The following ELMO3 variants were observed in gnomAD, a reference collection of about 807,000 sequenced individuals.
The protein encoded by ELMO3 is engulfment and cell motility protein 3.
In ELMO3, 81 loss-of-function variants were observed where a neutral mutation model predicts 89.0. The ratio of observed to expected loss-of-function variants is 0.91; its 90% CI spans 0.76 to 1.09. The LOEUF is 1.09. ELMO3 is among the 50% of genes least tolerant of loss of function. The pLI, the probability that ELMO3 is intolerant of heterozygous loss-of-function variation, is 0.00. For synonymous variants in ELMO3, 406 were observed against 400.6 expected (o/e 1.01, Z -0.16); for missense variants, 959 against 972.8 (o/e 0.99, Z 0.19).
In ELMO3 at chr16:67,200,272, TC is replaced by T; in HGVS notation, c.326del (p.Pro109ArgfsTer6). 1 of 1,613,810 alleles carries T rather than the reference TC, an allele frequency of 6.2e-7. No homozygotes were observed. Among genetic ancestry groups the T allele is most frequent in the South Asian group, 1.1e-5 (1 of 91,092 alleles). On this transcript the variant is annotated frameshift_variant, in exon 5 of 20. Coordinates refer to ENST00000393997, the MANE Select transcript of ELMO3 (RefSeq NM_024712.5). LOFTEE classifies it high-confidence loss of function. ...GCCGGGAAGCCCTGAGGCGCCTTGTTCCGCTGGCCTCGGACATGATCTTTGC... is the reference window on the plus strand; with the variant it reads ...GCCGGGAAGCCCTGAGGCGCCTTGTTCGCTGGCCTCGGACATGATCTTTGC... The part of the protein sequence containing the change: ...GRREALRRLV[P>X]LASDMIFARE...
Position 67,200,782 on chromosome 16 carries a change from G to C in ELMO3, c.639G>C (p.Leu213=), listed in dbSNP as rs371659730. Residue 213 remains leucine, a synonymous_variant, in exon 7 of 20, where the codon CTG becomes CTC. Coordinates refer to ENST00000393997, the MANE Select transcript of ELMO3 (RefSeq NM_024712.5). The stretch of plus-strand genomic sequence containing the variant: ...AGCTGGTCAAGAGCGAGGTGCCCCT[G>C]GATAGGCTGCTGGTGCACCTACAGG... ...LGQLVKSEVP[L]DRLLVHLQVM... 28 of 1,613,250 alleles carry C rather than the reference G, an allele frequency of 1.7e-5. No individual in the cohort carries two copies. Among genetic ancestry groups the C allele is most frequent in the Non-Finnish European group, 2.2e-5 (26 of 1,179,834 alleles).
In ELMO3 at chr16:67,201,997, C is replaced by A; in HGVS notation, c.1071C>A (p.Asp357Glu). 1 of 1,613,348 alleles carries A rather than the reference C, an allele frequency of 6.2e-7. No individual in the cohort carries two copies. The highest frequency in any genetic ancestry group is 8.5e-7 in the Non-Finnish European group (1 of 1,180,018). ...CCCAGAACAGCAACCCAGCACAGGACCTGGAGCGCGTGCCCCCCGGTCTGC... is the reference window on the plus strand; with the variant it reads ...CCCAGAACAGCAACCCAGCACAGGAACTGGAGCGCGTGCCCCCCGGTCTGC... ...LGFSNSNPAQDLERVPPGLLA... is the reference protein window; with the variant it reads ...LGFSNSNPAQELERVPPGLLA... The change falls in exon 12 of 20, where the codon GAC becomes GAA. Residue 357 changes from aspartate (D) to glutamate (E), a missense_variant. Coordinates refer to ENST00000393997, the MANE Select transcript of ELMO3 (RefSeq NM_024712.5).
At chr16:67,200,028 C>A (rs755817016) in intron 4 of ELMO3, 27 bp downstream of exon 4, 2 of 1,612,120 alleles carry the variant, frequency 1.2e-6, no homozygotes, top group South Asian at 2.2e-5. Context: ...CCCGCCTTCC[C>A]CATCCCTGCC....
Position 67,199,172 on chromosome 16 carries a change from C to T in ELMO3, c.-155C>T. Reference sequence around the variant, plus strand: ...CCCTTGGGAAGGCCGCGTTGCATGGCCAGGAGCAGCAGTCTGGGCCGCGAG... The same window carrying T: ...CCCTTGGGAAGGCCGCGTTGCATGGTCAGGAGCAGCAGTCTGGGCCGCGAG... On this transcript the variant is annotated 5_prime_UTR_variant, in exon 1 of 20. Coordinates refer to ENST00000393997, the MANE Select transcript of ELMO3 (RefSeq NM_024712.5). 1 of 1,609,638 alleles carries T rather than the reference C, an allele frequency of 6.2e-7. No homozygotes were observed. The highest frequency in any genetic ancestry group is 8.5e-7 in the Non-Finnish European group (1 of 1,179,498).
At chr16:67,200,412 TG>T in intron 5 of ELMO3, 38 bp from the exon 6 acceptor site, 1 of 1,608,210 alleles carries the variant, frequency 6.2e-7, no homozygotes, top group Non-Finnish European at 8.5e-7. Flanking sequence ...TTTCTGGTCC[TG>T]GGGTGGTCCT....
Position 67,201,733 on chromosome 16 carries a change from T to C in ELMO3, c.919-9T>C. ...GATCCCCTCCCCCGCCACCCAACACTGACCCCAGGAGCAGCGGGAGCAGCT... is the reference window on the plus strand; with the variant it reads ...GATCCCCTCCCCCGCCACCCAACACCGACCCCAGGAGCAGCGGGAGCAGCT... On this transcript the variant is annotated splice_polypyrimidine_tract_variant and intron_variant, in intron 10 of 19. Coordinates refer to ENST00000393997, the MANE Select transcript of ELMO3 (RefSeq NM_024712.5). The C allele has an allele frequency of 6.2e-7, 1 of 1,609,306 alleles. No individual in the cohort carries two copies. The highest frequency in any genetic ancestry group is 8.5e-7 in the Non-Finnish European group (1 of 1,179,990).
rs200498195 is a variant in ELMO3 at position 67,199,436 on chromosome 16, C to G, written c.78+32C>G. On this transcript the variant is annotated intron_variant, in intron 1 of 19. Coordinates refer to ENST00000393997, the MANE Select transcript of ELMO3 (RefSeq NM_024712.5). ...CGGCTGGTCCCGCCTCCATCTGCCCCACTGCCCCACCTCCCGGTAGCCCCC... is the reference window on the plus strand; with the variant it reads ...CGGCTGGTCCCGCCTCCATCTGCCCGACTGCCCCACCTCCCGGTAGCCCCC... The G allele has an allele frequency of 2.5e-6, 4 of 1,599,674 alleles. No homozygotes were observed. The East Asian group carries it at 8.9e-5, about 36-fold the overall frequency.
In ELMO3 at chr16:67,202,696, C is replaced by T. The variant is rs184456061; in HGVS notation, c.1468C>T (p.Arg490Ter). 81 of 1,613,602 alleles carry T rather than the reference C, an allele frequency of 5.0e-5. No homozygotes were observed. Among genetic ancestry groups the T allele is most frequent in the Admixed American group, 5.0e-4 (30 of 60,000 alleles). Residue 490 changes from arginine to a stop codon, truncating the protein, a stop_gained, in exon 15 of 20, where the codon CGA (arginine) becomes TGA (stop). Transcript: ENST00000393997. LOFTEE classifies it high-confidence loss of function. The stretch of plus-strand genomic sequence containing the variant: ...GAAGCCCACTTCCCTGGAGCTCTTC[C>T]GAACCAAGGTGAATGCGCTCACTTA... Reference protein sequence around the residue: ...ALKPTSLELFRTKVNALTYGE... With the variant: ...ALKPTSLELF
intron 4 of ELMO3, 69 bp from the exon 5 acceptor site, chr16:67,200,123 G>T: frequency 6.5e-7 from 1 of 1,541,814 alleles, no homozygotes; most frequent in Non-Finnish European, 8.8e-7. Flanking sequence ...GCCCGGGGCC[G>T]CACACTTCCA....
rs200124982 is a variant in ELMO3 at position 67,202,507 on chromosome 16, C to T, written c.1372C>T (p.Arg458Trp). 6 of 1,612,080 alleles carry T rather than the reference C, an allele frequency of 3.7e-6. No individual in the cohort carries two copies. The highest frequency in any genetic ancestry group is 4.2e-6 in the Non-Finnish European group (5 of 1,179,854). Reference sequence around the variant, plus strand: ...GTTGAATAAGACCTGGAAGGAGATGCGGGCTACACAGGAGGACTTCGACAA... The same window carrying T: ...GTTGAATAAGACCTGGAAGGAGATGTGGGCTACACAGGAGGACTTCGACAA... ...QLLNKTWKEM[R>W]ATQEDFDKVM... Residue 458 changes from arginine to tryptophan, a missense_variant, in exon 14 of 20, where the codon CGG becomes TGG. Coordinates refer to ENST00000393997, the MANE Select transcript of ELMO3 (RefSeq NM_024712.5).
intron 4 of ELMO3, 46 bp from the exon 5 acceptor site, chr16:67,200,146 A>C (rs754963278): frequency 6.3e-7 from 1 of 1,595,062 alleles, no homozygotes; most frequent in East Asian, 2.3e-5. Context: ...TCCCACCCTT[A>C]CCATGCCCAG....
At position 67,203,989 on chromosome 16, in the gene ELMO3, TGC is replaced by T; in HGVS notation, c.*113_*114del. ...CAGAGATTGCTGCAGAAATAAAGTC[TGC>T]TTGGCTCTTGGGATATGTTGAGCCA... is the stretch of plus-strand genomic sequence containing the variant. On this transcript the variant is annotated 3_prime_UTR_variant, in exon 20 of 20. Coordinates refer to ENST00000393997, the MANE Select transcript of ELMO3 (RefSeq NM_024712.5). This position sits in a 1 kb window ranked among gnomAD's most constrained non-coding sequence, Gnocchi z 4.6. 1 of 1,018,614 alleles carries T rather than the reference TGC, an allele frequency of 9.8e-7. No individual in the cohort carries two copies. The highest frequency in any genetic ancestry group is 1.4e-6 in the Non-Finnish European group (1 of 716,962). 63.1% of individuals were successfully genotyped at this position (1,018,614 alleles called of 1,614,324 possible).
chr16:67,199,481 C>A, intron 1 of ELMO3, 72 bp from the exon 2 acceptor site: 1 of 1,506,318 alleles, frequency 6.6e-7, no homozygotes, highest in Non-Finnish European at 9.0e-7. Flanking sequence ...GGGCAGCCCG[C>A]CCCACCCCTC....
chr16:67,203,922 C>T lies in ELMO3; in HGVS notation c.*45C>T, dbSNP rs749852640. On this transcript the variant is annotated 3_prime_UTR_variant, in exon 20 of 20. Transcript: ENST00000393997. The surrounding 1 kb of genome is among the most constrained non-coding windows in gnomAD (Gnocchi z 4.6). ...CCACAGCTGCGGCCACTGCAGCAGCCATGAAGGGCAGTGGGTAGAGGAGTG... is the reference window on the plus strand; with the variant it reads ...CCACAGCTGCGGCCACTGCAGCAGCTATGAAGGGCAGTGGGTAGAGGAGTG... 6.9e-7 allele frequency: 1 copy of T among 1,459,420 alleles called. No individual in the cohort carries two copies. Among genetic ancestry groups the T allele is most frequent in the East Asian group, 2.4e-5 (1 of 41,716 alleles). 90.4% of individuals were successfully genotyped at this position (1,459,420 alleles called of 1,614,324 possible). A position where few individuals can be genotyped will look rare whatever the true frequency, so the allele number is the denominator to read the frequency against.
chr16:67,202,265 G>C lies in ELMO3; in HGVS notation c.1242G>C (p.Leu414=), dbSNP rs755153480. 2.5e-6 allele frequency: 4 copies of C among 1,607,872 alleles called. No homozygotes were observed. The highest frequency in any genetic ancestry group is 3.4e-6 in the Non-Finnish European group (4 of 1,175,782). Reference sequence around the variant, plus strand: ...AGCTGACGGTGCTGCTGTGTGAGCTGCTCCGTGTTGGGGAGCCCTGTGAGT... The same window carrying C: ...AGCTGACGGTGCTGCTGTGTGAGCTCCTCCGTGTTGGGGAGCCCTGTGAGT... ...SIQLTVLLCE[L]LRVGEPCSET... The change falls in exon 13 of 20, where the codon CTG becomes CTC. Residue 414 remains leucine, a synonymous_variant. Coordinates refer to ENST00000393997, the MANE Select transcript of ELMO3 (RefSeq NM_024712.5).
chr16:67,200,654 C>G lies in ELMO3; in HGVS notation c.514-3C>G. 6.2e-7 allele frequency: 1 copy of G among 1,611,978 alleles called. No individual in the cohort carries two copies. The highest frequency in any genetic ancestry group is 8.5e-7 in the Non-Finnish European group (1 of 1,178,874). On this transcript the variant is annotated splice_polypyrimidine_tract_variant and splice_region_variant and intron_variant, in intron 6 of 19. Transcript: ENST00000393997. ...GAGGTGGTGACACCCCCGCCCCTTA[C>G]AGGTGGTGTGCTACGTGAACATGAA...
rs2142220221 is a variant in ELMO3, at chr16:67,201,484, A to G, written c.796-36A>G. On this transcript the variant is annotated intron_variant, in intron 9 of 19. Transcript: ENST00000393997. ...ACCTCTCTGCCCCTCCCTCCCCGTG[A>G]GCCCTCGCTTACACCAGGGACTGGC... 3 of 1,613,916 alleles carry G rather than the reference A, an allele frequency of 1.9e-6. No homozygotes were observed. The East Asian group carries it at 6.7e-5, about 36-fold the overall frequency.
In ELMO3 at chr16:67,203,996, C is replaced by A; in HGVS notation, c.*119C>A. 2.1e-6 allele frequency: 2 copies of A among 959,842 alleles called. No individual in the cohort carries two copies. Among genetic ancestry groups the A allele is most frequent in the Non-Finnish European group, 3.0e-6 (2 of 663,988 alleles). 59.5% of individuals were successfully genotyped at this position (959,842 alleles called of 1,614,324 possible). A position where few individuals can be genotyped will look rare whatever the true frequency, so the allele number is the denominator to read the frequency against. Reference sequence around the variant, plus strand: ...TGCTGCAGAAATAAAGTCTGCTTGGCTCTTGGGATATGTTGAGCCAGCTCT... The same window carrying A: ...TGCTGCAGAAATAAAGTCTGCTTGGATCTTGGGATATGTTGAGCCAGCTCT... On this transcript the variant is annotated 3_prime_UTR_variant, in exon 20 of 20. Coordinates refer to ENST00000393997, the MANE Select transcript of ELMO3 (RefSeq NM_024712.5). This position sits in a 1 kb window ranked among gnomAD's most constrained non-coding sequence, Gnocchi z 4.6.
Position 67,203,033 on chromosome 16 carries a change from G to A in ELMO3, c.1675+29G>A, listed in dbSNP as rs758824348. On this transcript the variant is annotated intron_variant, in intron 16 of 19. Coordinates refer to ENST00000393997, the MANE Select transcript of ELMO3 (RefSeq NM_024712.5). This position sits in a 1 kb window ranked among gnomAD's most constrained non-coding sequence, Gnocchi z 4.6. ...TCTGAATGGGCATGGGCAGGGGGCA[G>A]AGGGCAGGCAGAGGGCAGGCAGAGG... 5 of 1,595,212 alleles carry A rather than the reference G, an allele frequency of 3.1e-6. No homozygotes were observed. Among genetic ancestry groups the A allele is most frequent in the Non-Finnish European group, 4.2e-6 (5 of 1,176,908 alleles).
Sources: allele counts gnomAD v4.1 joint callset, GRCh38; gene constraint gnomAD v4.1.1; non-coding constraint Gnocchi (gnomAD v3.1); transcripts MANE v1.5; gene names NCBI Gene and HGNC (gene_info 2026-07-23, HGNC 2026-07-21).